Variants in DSCAM observed in about 807,000 individuals in gnomAD.
DSCAM encodes DS cell adhesion molecule.
DSCAM carries 47 observed loss-of-function variants against 217.7 expected under a neutral mutation model. The ratio of observed to expected loss-of-function variants is 0.22; its 90% CI spans 0.17 to 0.28. The LOEUF (loss-of-function observed/expected upper bound fraction) is 0.28, where lower values mean the gene tolerates loss of function less well. Ranked by LOEUF, DSCAM falls within the 10% of genes least tolerant of loss-of-function variation. The pLI is 1.00. For synonymous variants in DSCAM, 1,056 were observed against 1,015.3 expected, an observed-to-expected ratio of 1.04 and a Z score of -0.76; for missense variants, 2,080 against 2,618.3, an observed-to-expected ratio of 0.79 and a Z score of 4.49.
At chr21:40,726,863 T>C (rs1309294154) in intron 1 of DSCAM, among the ~76,000 whole-genome samples, 1 of 152,088 alleles carries the variant, frequency 6.6e-6, no homozygotes, top group African/African-American at 2.4e-5. Context: ...AATGGATTAA[T>C]TGATTAGTGG....
chr21:40,308,807 G>C (rs2074107697), intron 9 of DSCAM, among the ~76,000 whole-genome samples: 1 of 152,100 alleles, frequency 6.6e-6, no homozygotes, highest in Non-Finnish European at 1.5e-5. Flanking sequence ...CTGTTACTCT[G>C]TGATGGTCCT....
intron 19 of DSCAM, among the ~76,000 whole-genome samples, chr21:40,129,919 A>C (rs923890475): frequency 2.0e-5 from 3 of 152,028 alleles, no homozygotes; most frequent in African/African-American, 7.3e-5. Flanking sequence ...ATGTCAGCTT[A>C]TTTTTTTGCT....
chr21:40,846,101 A>C (rs1411184850), intron 1 of DSCAM, among the ~76,000 whole-genome samples: 1 of 152,118 alleles, frequency 6.6e-6, no homozygotes, highest in African/African-American at 2.4e-5. Flanking sequence ...CACGGGGTGC[A>C]TAGAAGGACA....
At chr21:40,686,709 G>C (rs2090482522) in intron 3 of DSCAM, among the ~76,000 whole-genome samples, 1 of 152,092 alleles carries the variant, frequency 6.6e-6, no homozygotes, top group South Asian at 2.1e-4. Context: ...CAGACTAGCT[G>C]CTATTGTGGC....
chr21:40,189,210 A>G lies in DSCAM; in HGVS notation c.2385T>C (p.Asn795=). 6.2e-7 allele frequency: 1 copy of G among 1,608,190 alleles called. No individual in the cohort carries two copies. The highest frequency in any genetic ancestry group is 8.5e-7 in the Non-Finnish European group (1 of 1,177,836). The change falls in exon 12 of 33, where the codon AAT becomes AAC. Residue 795 remains asparagine (N), a synonymous_variant. Transcript: ENST00000400454. ...KIPAMITSYP[N]TTLATQGQKK... The stretch of plus-strand genomic sequence containing the variant: ...TCTGCCCCTGCGTGGCCAGGGTAGT[A>G]TTTGGATAGGATGTTATCATCGCAG...
intron 3 of DSCAM, among the ~76,000 whole-genome samples, chr21:40,498,762 TATATATATATATGG>T (rs2076147232): frequency 1.9e-4 from 6 of 31,648 alleles, no homozygotes; most frequent in Admixed American, 4.1e-4. Context: ...TATATGGGTG[TATATATATATATGG>T]GTGTGTATAT....
intron 11 of DSCAM, among the ~76,000 whole-genome samples, chr21:40,224,941 C>T (rs959258510): frequency 1.3e-5 from 2 of 152,182 alleles, no homozygotes; most frequent in Admixed American, 6.5e-5. Context: ...ATGTAGTTGG[C>T]TCTATGGACT....
chr21:40,470,759 G>T (rs1411565125), intron 3 of DSCAM, among the ~76,000 whole-genome samples: 1 of 152,172 alleles, frequency 6.6e-6, no homozygotes, highest in Non-Finnish European at 1.5e-5. Flanking sequence ...TCCCCATGGT[G>T]CCTAGGCTGG....
chr21:40,471,876 G>GT lies in DSCAM; in HGVS notation c.509-102632dup, dbSNP rs200518325. On this transcript the variant is annotated intron_variant, in intron 3 of 32. Transcript: ENST00000400454. ...TGTTACATATGTATACATGTGCCAT[G>GT]TTGGTGTGCTGCACCCGTTAACTCG... Among the ~76,000 whole-genome samples the GT allele has an allele frequency of 4.3e-3, 656 of 152,262 alleles. 5 individuals are homozygous for GT. The highest frequency in any genetic ancestry group is 0.015 in the African/African-American group (633 of 41,532).
chr21:40,613,479 C>T (rs959426398), intron 3 of DSCAM, among the ~76,000 whole-genome samples: 2 of 152,100 alleles, frequency 1.3e-5, no homozygotes, highest in Non-Finnish European at 2.9e-5. Flanking sequence ...AAAATTGTAA[C>T]ATCTAAGGCA....
At chr21:40,705,861 CCA>C (rs953168436) in intron 2 of DSCAM, among the ~76,000 whole-genome samples, 1 of 152,168 alleles carries the variant, frequency 6.6e-6, no homozygotes. Flanking sequence ...TCCATCTCGG[CCA>C]CAAGCAAAAG....
chr21:40,235,870 C>A (rs2091425870), intron 11 of DSCAM, among the ~76,000 whole-genome samples: 1 of 152,020 alleles, frequency 6.6e-6, no homozygotes, highest in Admixed American at 6.6e-5. Flanking sequence ...ATGTTTGTAT[C>A]ATCAACGGGA....
At position 40,296,062 on chromosome 21, in the gene DSCAM, G is replaced by T; in HGVS notation, c.2175C>A (p.Phe725Leu). The T allele has an allele frequency of 6.2e-7, 1 of 1,613,586 alleles. No individual in the cohort carries two copies. The highest frequency in any genetic ancestry group is 1.3e-5 in the African/African-American group (1 of 75,024). ...GATCAAGTAACTCCATACCTTTAGA[G>T]AATTTCCACACGATGGTAGGTACAG... Reference protein sequence around the residue: ...GYPVPTIVWKFSKGAGVPQFQ... With the variant: ...GYPVPTIVWKLSKGAGVPQFQ... Residue 725 changes from phenylalanine (F) to leucine (L), a missense_variant, in exon 10 of 33, where the codon TTC (phenylalanine) becomes TTA (leucine). Phe to Leu is a conservative substitution (Grantham distance 22). Transcript: ENST00000400454.
intron 9 of DSCAM, among the ~76,000 whole-genome samples, chr21:40,304,626 T>G (rs1004827082): frequency 1.3e-5 from 2 of 152,232 alleles, no homozygotes; most frequent in Non-Finnish European, 2.9e-5. Context: ...GTGAGAGATG[T>G]GCAATGAATG....
intron 3 of DSCAM, among the ~76,000 whole-genome samples, chr21:40,654,053 C>T (rs2090046002): frequency 6.6e-6 from 1 of 151,234 alleles, no homozygotes; most frequent in African/African-American, 2.4e-5. Context: ...CGAGACCACA[C>T]TATTGCACTC....
intron 3 of DSCAM, among the ~76,000 whole-genome samples, chr21:40,580,708 G>A (rs1024238459): frequency 6.6e-6 from 1 of 152,164 alleles, no homozygotes; most frequent in African/African-American, 2.4e-5. Flanking sequence ...AGGAAAGGCG[G>A]GTGGGCTGGA....
At position 40,479,916 on chromosome 21, in the gene DSCAM, G is replaced by A. The variant is rs74277159; in HGVS notation, c.509-110671C>T. On this transcript the variant is annotated intron_variant, in intron 3 of 32. Transcript: ENST00000400454. ...TGTGTGTACATGCGTATGCATGTACGCACACACAAACTCACACACACAGCT... is the reference window on the plus strand; with the variant it reads ...TGTGTGTACATGCGTATGCATGTACACACACACAAACTCACACACACAGCT... 5.4e-3 allele frequency among the ~76,000 whole-genome samples: 829 copies of A among 152,196 alleles called. 8 individuals carry two copies. Among genetic ancestry groups the A allele is most frequent in the African/African-American group, 0.018 (753 of 41,520 alleles).
intron 8 of DSCAM, among the ~76,000 whole-genome samples, chr21:40,326,676 C>T (rs896982304): frequency 6.6e-6 from 1 of 152,126 alleles, no homozygotes; most frequent in Non-Finnish European, 1.5e-5. Context: ...AACTGTCTGA[C>T]AATCACAGCC....
At chr21:40,122,440 T>C (rs2090045595) in intron 20 of DSCAM, among the ~76,000 whole-genome samples, 1 of 152,194 alleles carries the variant, frequency 6.6e-6, no homozygotes, top group Non-Finnish European at 1.5e-5. Context: ...AATGAGTGAA[T>C]ACTAATACAG....
Sources: allele counts gnomAD v4.1 joint callset (sites outside exome capture counted in the v4.1 genomes callset), GRCh38; gene constraint gnomAD v4.1.1; transcripts MANE v1.5; gene names NCBI Gene and HGNC (gene_info 2026-07-23, HGNC 2026-07-21).